Variants in TNFAIP8 observed in about 807,000 individuals in gnomAD.
TNFAIP8 encodes the protein tumor necrosis factor alpha-induced protein 8.
In TNFAIP8, 7 loss-of-function variants were observed where a neutral mutation model predicts 13.3. That is an observed-to-expected ratio of 0.52 (90% CI 0.30 to 0.99). The LOEUF (loss-of-function observed/expected upper bound fraction) is 0.99. TNFAIP8 is among the 50% of genes least tolerant of loss of function. The pLI is 0.07. For synonymous variants in TNFAIP8, 94 were observed against 87.6 expected, an observed-to-expected ratio of 1.07 and a Z score of -0.41; for missense variants, 258 against 236.9, an observed-to-expected ratio of 1.09 and a Z score of -0.58.
At chr5:119,333,440 T>C (rs1750448954) in intron 1 of TNFAIP8, 1 of 1,392,482 alleles carries the variant, frequency 7.2e-7, no homozygotes. Flanking sequence ...TTATGGTAGA[T>C]TTTTCAAAAG....
At chr5:119,269,567 A>G (rs956532434) in intron 1 of TNFAIP8, among the ~76,000 whole-genome samples, 1 of 152,222 alleles carries the variant, frequency 6.6e-6, no homozygotes, top group Non-Finnish European at 1.5e-5. Flanking sequence ...AGGCACGTTC[A>G]AGACCAGGCT....
At chr5:119,286,475 A>G (rs1748802538) in intron 1 of TNFAIP8, among the ~76,000 whole-genome samples, 1 of 152,150 alleles carries the variant, frequency 6.6e-6, no homozygotes, top group Non-Finnish European at 1.5e-5. Flanking sequence ...CAAAAAAATT[A>G]TCTGGGCATA....
intron 1 of TNFAIP8, among the ~76,000 whole-genome samples, chr5:119,279,910 C>T (rs954237970): frequency 2.0e-5 from 3 of 152,052 alleles, no homozygotes; most frequent in Non-Finnish European, 4.4e-5. Context: ...AAACAGTGTT[C>T]GTAAGATGCT....
At chr5:119,325,145 C>G (rs568293593) in intron 1 of TNFAIP8, among the ~76,000 whole-genome samples, 1 of 151,974 alleles carries the variant, frequency 6.6e-6, no homozygotes, top group Admixed American at 6.6e-5. Context: ...TTAATCAGTC[C>G]CCATGTGGAT....
intron 1 of TNFAIP8, among the ~76,000 whole-genome samples, chr5:119,300,759 A>T (rs1442242742): frequency 1.3e-5 from 2 of 152,106 alleles, no homozygotes; most frequent in Non-Finnish European, 2.9e-5. Flanking sequence ...CTATGCTGTT[A>T]CCCCTTTATG....
At chr5:119,313,376 T>A (rs983064332) in intron 1 of TNFAIP8, among the ~76,000 whole-genome samples, 8 of 152,192 alleles carry the variant, frequency 5.3e-5, no homozygotes, top group Admixed American at 5.2e-4. Context: ...ACATGAGGCT[T>A]TGGGGGCCAG....
At chr5:119,334,455 G>A (rs1750484242) in intron 1 of TNFAIP8, among the ~76,000 whole-genome samples, 1 of 151,828 alleles carries the variant, frequency 6.6e-6, no homozygotes, top group Non-Finnish European at 1.5e-5. Flanking sequence ...AGACATAGGT[G>A]GGTGTTGGTA....
intron 1 of TNFAIP8, among the ~76,000 whole-genome samples, chr5:119,336,647 A>G (rs1416764923): frequency 6.6e-6 from 1 of 152,194 alleles, no homozygotes; most frequent in Non-Finnish European, 1.5e-5. Flanking sequence ...ACAAGAACCT[A>G]CAGTCTCATA....
chr5:119,371,110 A>C (rs1008397776), intron 1 of TNFAIP8, among the ~76,000 whole-genome samples: 1 of 152,206 alleles, frequency 6.6e-6, no homozygotes, highest in African/African-American at 2.4e-5. Context: ...GGTAGCATAC[A>C]TGGTTTTATT....
intron 1 of TNFAIP8, among the ~76,000 whole-genome samples, chr5:119,314,214 G>A (rs751533846): frequency 9.9e-5 from 15 of 152,178 alleles, no homozygotes; most frequent in Non-Finnish European, 1.9e-4. Flanking sequence ...AAAAAACCAT[G>A]TCTGTCGTCT....
chr5:119,372,335 AAAAAG>A (rs1467329174), intron 1 of TNFAIP8, among the ~76,000 whole-genome samples: 181 of 151,586 alleles, frequency 1.2e-3, no homozygotes, highest in African/African-American at 4.1e-3. Flanking sequence ...AAAAAAAAAA[AAAAAG>A]AATACTAGAA....
At chr5:119,293,128 A>G (rs1561986236) in intron 1 of TNFAIP8, among the ~76,000 whole-genome samples, 1 of 152,160 alleles carries the variant, frequency 6.6e-6, no homozygotes, top group East Asian at 1.9e-4. Context: ...GATTTTTGAT[A>G]TATATGCATG....
intron 1 of TNFAIP8, among the ~76,000 whole-genome samples, chr5:119,340,628 G>A (rs1269805560): frequency 6.6e-6 from 1 of 152,180 alleles, no homozygotes; most frequent in African/African-American, 2.4e-5. Context: ...CCGATTCTTG[G>A]GTTCTGGGCA....
intron 1 of TNFAIP8, among the ~76,000 whole-genome samples, chr5:119,331,873 C>T (rs968631677): frequency 2.6e-5 from 4 of 152,200 alleles, no homozygotes; most frequent in Non-Finnish European, 4.4e-5. Flanking sequence ...TATTTCTGCT[C>T]TTTGTAGCTT....
At chr5:119,376,074 C>T (rs957431951) in intron 1 of TNFAIP8, among the ~76,000 whole-genome samples, 1 of 151,792 alleles carries the variant, frequency 6.6e-6, no homozygotes, top group Non-Finnish European at 1.5e-5. Flanking sequence ...CCAAAGAACA[C>T]TGAAATTAAA....
intron 1 of TNFAIP8, among the ~76,000 whole-genome samples, chr5:119,281,483 A>T (rs1315440301): frequency 6.6e-6 from 1 of 152,138 alleles, no homozygotes; most frequent in East Asian, 1.9e-4. Context: ...TTTTTTGGTC[A>T]CAAGGGAAAT....
At chr5:119,343,860 G>A (rs968925495) in intron 1 of TNFAIP8, among the ~76,000 whole-genome samples, 31 of 152,186 alleles carry the variant, frequency 2.0e-4, no homozygotes, top group Non-Finnish European at 2.9e-5. Flanking sequence ...TGCCCCCGCT[G>A]TGTGACCACA....
intron 1 of TNFAIP8, among the ~76,000 whole-genome samples, chr5:119,390,985 A>ATTTTT (rs11448031): frequency 2.9e-5 from 4 of 137,542 alleles, no homozygotes; most frequent in Non-Finnish European, 3.1e-5. Context: ...CACCTGGCTA[A>ATTTTT]TTTTTTTTTT....
At chr5:119,385,188 G>A (rs1019722111) in intron 1 of TNFAIP8, among the ~76,000 whole-genome samples, 21 of 152,194 alleles carry the variant, frequency 1.4e-4, no homozygotes, top group Admixed American at 1.3e-4. Flanking sequence ...CTCCAGTGTA[G>A]AAGATGAGAA....
Sources: gnomAD v4.1 joint callset for allele counts (sites outside exome capture counted in the v4.1 genomes callset) on GRCh38, gnomAD v4.1.1 for gene constraint, MANE v1.5 for transcripts, NCBI Gene and HGNC (gene_info 2026-07-23, HGNC 2026-07-21) for gene names.